HECW1: variants seen among roughly 807,000 people sequenced by gnomAD.
The protein encoded by HECW1 is E3 ubiquitin-protein ligase HECW1.
A neutral mutation model predicts 182.3 loss-of-function variants in HECW1; 61 were observed. The observed-to-expected ratio is 0.33, with a 90% CI of 0.27 to 0.41. The LOEUF is 0.41. Ranked by LOEUF, HECW1 falls within the 10% of genes least tolerant of loss-of-function variation. HECW1 has a pLI of 1.00. For synonymous variants in HECW1, 859 were observed against 832.6 expected (o/e 1.03, Z -0.55); for missense variants, 1,739 against 2,108.9 (o/e 0.82, Z 3.44).
At chr7:43,276,304 G>A (rs1803136260) in intron 3 of HECW1, among the ~76,000 whole-genome samples, 1 of 152,154 alleles carries the variant, frequency 6.6e-6, no homozygotes, top group South Asian at 2.1e-4. Flanking sequence ...AGCTCTTTGT[G>A]TGTGGGGGTC....
At chr7:43,275,708 G>GCA (rs146476821) in intron 3 of HECW1, among the ~76,000 whole-genome samples, 4,406 of 145,952 alleles carry the variant, frequency 0.03, 144 homozygotes, top group African/African-American at 0.077. Flanking sequence ...TTATGCGCAC[G>GCA]CACACACACA....
At chr7:43,169,640 C>A (rs1045706351) in intron 2 of HECW1, among the ~76,000 whole-genome samples, 2 of 151,458 alleles carry the variant, frequency 1.3e-5, no homozygotes, top group Non-Finnish European at 2.9e-5. Context: ...AACTCCTTAA[C>A]AAAAAGTACA....
At chr7:43,251,752 T>C (rs1800054415) in intron 3 of HECW1, among the ~76,000 whole-genome samples, 1 of 152,248 alleles carries the variant, frequency 6.6e-6, no homozygotes, top group Non-Finnish European at 1.5e-5. Context: ...TTCTCCCTTA[T>C]ACAATTCCAC....
chr7:43,274,495 A>C (rs1322356663), intron 3 of HECW1: 2 of 609,176 alleles, frequency 3.3e-6, no homozygotes, highest in Non-Finnish European at 6.1e-6. Context: ...GGCCCACTGC[A>C]TCCAGATCAT....
intron 6 of HECW1, among the ~76,000 whole-genome samples, chr7:43,380,688 G>A (rs777319345): frequency 4.0e-5 from 6 of 151,812 alleles, no homozygotes; most frequent in African/African-American, 7.3e-5. Context: ...CACCACACTC[G>A]GGTAATTTTT....
chr7:43,267,691 A>C (rs553734326), intron 3 of HECW1, among the ~76,000 whole-genome samples: 1 of 152,252 alleles, frequency 6.6e-6, no homozygotes, highest in East Asian at 1.9e-4. Flanking sequence ...ACACTCTGGC[A>C]TAGCTAATTA....
intron 13 of HECW1, among the ~76,000 whole-genome samples, chr7:43,461,041 G>A (rs540112746): frequency 8.5e-5 from 13 of 152,360 alleles, no homozygotes; most frequent in African/African-American, 2.4e-4. Context: ...CTTGACATTT[G>A]TCTAAGCCCT....
At position 43,236,654 on chromosome 7, in the gene HECW1, G is replaced by A. The variant is rs144788849; in HGVS notation, c.-31-7221G>A. Among the ~76,000 whole-genome samples, 963 of 152,180 alleles carry A rather than the reference G, an allele frequency of 6.3e-3. 10 individuals are homozygous for A. Among genetic ancestry groups the A allele is most frequent in the African/African-American group, 0.022 (914 of 41,508 alleles). On this transcript the variant is annotated intron_variant, in intron 2 of 29. Transcript: ENST00000395891. ...CTGAATACTCAATGTAGTCTGGCTC[G>A]GTGAATCTGCATTTTTACATAAACA...
chr7:43,359,585 T>C (rs1204382820), intron 5 of HECW1, among the ~76,000 whole-genome samples: 1 of 152,236 alleles, frequency 6.6e-6, no homozygotes, highest in African/African-American at 2.4e-5. Flanking sequence ...TAATGTCAAT[T>C]TTTTAAAAAA....
At chr7:43,460,448 G>A (rs73098725) in intron 13 of HECW1, among the ~76,000 whole-genome samples, 217 of 152,254 alleles carry the variant, frequency 1.4e-3, no homozygotes, top group African/African-American at 4.8e-3. Flanking sequence ...TTTTTTAAAG[G>A]GGGGAGGTTG....
intron 8 of HECW1, among the ~76,000 whole-genome samples, chr7:43,427,015 CTATAAAT>C: frequency 6.6e-6 from 1 of 151,908 alleles, no homozygotes; most frequent in East Asian, 1.9e-4. Context: ...TTATTATAAT[CTATAAAT>C]TATAAGTTTG....
intron 17 of HECW1, 45 bp from the exon 18 acceptor site, chr7:43,492,030 A>C: frequency 7.1e-7 from 1 of 1,408,552 alleles, no homozygotes; most frequent in Admixed American, 1.9e-5. Flanking sequence ...AGACATCTGA[A>C]ATTGATACAA....
At chr7:43,239,982 C>T (rs531920360) in intron 2 of HECW1, 3 of 152,260 alleles carry the variant, frequency 2.0e-5, no homozygotes, top group South Asian at 2.1e-4. Flanking sequence ...GTTTGTCGTC[C>T]GTATGGCTTG....
chr7:43,475,744 G>A (rs1485021122), intron 16 of HECW1, among the ~76,000 whole-genome samples: 1 of 151,966 alleles, frequency 6.6e-6, no homozygotes, highest in Non-Finnish European at 1.5e-5. Flanking sequence ...TATTTTTTTG[G>A]TAGAGACAGG....
intron 7 of HECW1, among the ~76,000 whole-genome samples, chr7:43,406,705 G>C (rs973829173): frequency 6.6e-6 from 1 of 152,088 alleles, no homozygotes; most frequent in Non-Finnish European, 1.5e-5. Flanking sequence ...ATCACCTGAG[G>C]TCAGGAGTTC....
intron 5 of HECW1, among the ~76,000 whole-genome samples, chr7:43,350,009 T>C (rs1814208352): frequency 1.3e-5 from 2 of 152,226 alleles, no homozygotes; most frequent in South Asian, 2.1e-4. Context: ...TTTCAGGATT[T>C]GTTTCAAGAT....
intron 24 of HECW1, chr7:43,511,541 A>T (rs2079872330): frequency 6.6e-6 from 1 of 152,212 alleles, no homozygotes. Context: ...TTCTCTTATC[A>T]GTGGCTCCAA....
chr7:43,268,177 T>G (rs1801998005), intron 3 of HECW1, among the ~76,000 whole-genome samples: 1 of 152,232 alleles, frequency 6.6e-6, no homozygotes, highest in South Asian at 2.1e-4. Flanking sequence ...GTCTCTGCCC[T>G]CAGGGTGGTT....
At chr7:43,500,334 G>A (rs2079295595) in intron 19 of HECW1, among the ~76,000 whole-genome samples, 3 of 152,116 alleles carry the variant, frequency 2.0e-5, no homozygotes, top group South Asian at 2.1e-4. Flanking sequence ...TCCTGATCTC[G>A]TGATCTGCCT....
Sources: allele counts gnomAD v4.1 joint callset (sites outside exome capture counted in the v4.1 genomes callset), GRCh38; gene constraint gnomAD v4.1.1; transcripts MANE v1.5; gene names NCBI Gene and HGNC (gene_info 2026-07-23, HGNC 2026-07-21).